The following DMD variants were observed in gnomAD, a reference collection of about 807,000 sequenced individuals.
DMD encodes mutant dystrophin.
DMD carries 63 observed loss-of-function variants against 330.1 expected under a neutral mutation model. That is an observed-to-expected ratio of 0.19 (90% CI 0.16 to 0.24). The LOEUF is 0.24. DMD is among the 10% of genes least tolerant of loss of function. The pLI, the probability that DMD is intolerant of heterozygous loss-of-function variation, is 1.00. For synonymous variants in DMD, 1,223 were observed against 959.8 expected, an observed-to-expected ratio of 1.27 and a Z score of -5.07; for missense variants, 3,344 against 2,684.1, an observed-to-expected ratio of 1.25 and a Z score of -5.43.
intron 5 of DMD, among the ~76,000 whole-genome samples, chrX:32,821,131 C>A (rs1230504998): frequency 2.7e-5 from 3 of 111,201 alleles, no homozygotes; most frequent in Non-Finnish European, 5.6e-5. Context: ...CTCTTCCCCT[C>A]TCCCCGCTTA....
rs748846791 is a variant in DMD, at chrX:32,596,378, A to G, written c.1483-502T>C. On this transcript the variant is annotated intron_variant, in intron 12 of 78. Transcript: ENST00000357033. Reference sequence around the variant, plus strand: ...TACTATTCACTTTGCCCACTAACCCATTGAAATATCTTTTGTAAAGGACAC... The same window carrying G: ...TACTATTCACTTTGCCCACTAACCCGTTGAAATATCTTTTGTAAAGGACAC... Among the ~76,000 whole-genome samples, 4 of 110,074 alleles carry G rather than the reference A, an allele frequency of 3.6e-5. No homozygotes were observed. The South Asian group carries it at 1.6e-3, about 43-fold the overall frequency.
At chrX:32,392,573 T>A (rs1187245474) in intron 30 of DMD, among the ~76,000 whole-genome samples, 1 of 111,428 alleles carries the variant, frequency 9.0e-6, no homozygotes, top group Admixed American at 9.6e-5. Flanking sequence ...AGATAGCATT[T>A]TCGAAAGAGG....
chrX:32,600,917 T>A (rs759695170), intron 12 of DMD, among the ~76,000 whole-genome samples: 6 of 111,127 alleles, frequency 5.4e-5, no homozygotes, highest in African/African-American at 1.3e-4. Context: ...AACAAAAAAA[T>A]CCCTAGATAC....
intron 63 of DMD, among the ~76,000 whole-genome samples, chrX:31,239,169 TG>T (rs1254985919): frequency 4.5e-5 from 5 of 111,687 alleles, no homozygotes; most frequent in Non-Finnish European, 9.4e-5. Flanking sequence ...CAAATAAACT[TG>T]GAACAGAGCC....
At chrX:32,645,310 A>AT (rs749931845) in intron 9 of DMD, among the ~76,000 whole-genome samples, 158 bp from the exon 10 acceptor site, 18 of 112,233 alleles carry the variant, frequency 1.6e-4, no homozygotes, top group African/African-American at 5.8e-4. Context: ...GGGAGTTTTC[A>AT]TTTTAACTTC....
intron 34 of DMD, among the ~76,000 whole-genome samples, chrX:32,370,772 A>C (rs1477258491): frequency 6.3e-5 from 7 of 111,242 alleles, no homozygotes; most frequent in Non-Finnish European, 1.1e-4. Flanking sequence ...TTTTATAGCT[A>C]AGAGGAATGA....
chrX:31,577,730 G>A (rs1260229640), intron 55 of DMD, among the ~76,000 whole-genome samples: 1 of 111,459 alleles, frequency 9.0e-6, no homozygotes, highest in African/African-American at 3.3e-5. Context: ...TACTTGACTT[G>A]TAAAACAAAG....
chrX:31,872,829 G>A (rs982501901), intron 48 of DMD, among the ~76,000 whole-genome samples: 1 of 111,462 alleles, frequency 9.0e-6, no homozygotes, highest in Admixed American at 9.6e-5. Context: ...TGTTTATTGA[G>A]CAGTGAAAAA....
intron 55 of DMD, among the ~76,000 whole-genome samples, chrX:31,561,415 TA>T (rs962425045): frequency 2.7e-5 from 3 of 111,599 alleles, no homozygotes; most frequent in African/African-American, 9.8e-5. Context: ...GGAGAGGTCC[TA>T]AGGAAACCTG....
chrX:32,844,637 G>A (rs752050460), intron 4 of DMD, 146 bp downstream of exon 4: 15 of 521,825 alleles, frequency 2.9e-5, no homozygotes, highest in Non-Finnish European at 4.7e-5. Context: ...AGGCATACAC[G>A]AATTACAACA....
At chrX:32,136,023 G>A (rs2685910) in intron 44 of DMD, among the ~76,000 whole-genome samples, 32,044 of 110,714 alleles carry the variant, frequency 0.29, 3,875 homozygotes, top group Non-Finnish European at 0.38. Context: ...TAAATCATGG[G>A]GAATTTTTTA....
intron 1 of DMD, among the ~76,000 whole-genome samples, chrX:33,221,822 G>C (rs778757756): frequency 6.8e-4 from 76 of 110,997 alleles, no homozygotes; most frequent in African/African-American, 2.4e-3. Flanking sequence ...GTAAATCAAT[G>C]AATATAAAAT....
intron 71 of DMD, among the ~76,000 whole-genome samples, chrX:31,174,171 T>C (rs2040280116): frequency 1.8e-5 from 2 of 111,612 alleles, no homozygotes; most frequent in Non-Finnish European, 3.8e-5. Context: ...AGCAAGACTA[T>C]ACCACTAATT....
chrX:32,382,602 C>A (rs1310376025), intron 33 of DMD, among the ~76,000 whole-genome samples: 1 of 89,630 alleles, frequency 1.1e-5, no homozygotes, highest in Non-Finnish European at 2.2e-5. Context: ...ATTTTTTAAA[C>A]AGATTTTCCC....
At chrX:31,557,753 T>C (rs62590904) in intron 55 of DMD, among the ~76,000 whole-genome samples, 16,268 of 110,519 alleles carry the variant, frequency 0.15, 1,106 homozygotes, top group African/African-American at 0.23. Context: ...TAGAGTGTAG[T>C]AGAAGAGGGG....
At chrX:32,486,055 A>G (rs146636342) in intron 20 of DMD, among the ~76,000 whole-genome samples, 3 of 109,591 alleles carry the variant, frequency 2.7e-5, no homozygotes, top group African/African-American at 1.0e-4. Flanking sequence ...GCCACTTTTT[A>G]AATTACGGTG....
intron 44 of DMD, among the ~76,000 whole-genome samples, chrX:32,093,008 A>C (rs774269140): frequency 9.0e-6 from 1 of 110,874 alleles, no homozygotes; most frequent in Non-Finnish European, 1.9e-5. Flanking sequence ...TATATACTGT[A>C]CTATCACCAC....
chrX:32,240,829 G>C (rs1296575360), intron 43 of DMD, among the ~76,000 whole-genome samples: 1 of 111,697 alleles, frequency 9.0e-6, no homozygotes, highest in Admixed American at 9.5e-5. Flanking sequence ...TGGGATGAGA[G>C]AGGAGTAGTG....
intron 55 of DMD, among the ~76,000 whole-genome samples, chrX:31,572,835 T>C (rs2075895584): frequency 8.9e-6 from 1 of 112,355 alleles, no homozygotes; most frequent in Non-Finnish European, 1.9e-5. Context: ...TTCTAAGTAC[T>C]TGGAATTCAG....
Sources: gnomAD v4.1 joint callset for allele counts (sites outside exome capture counted in the v4.1 genomes callset) on GRCh38, gnomAD v4.1.1 for gene constraint, MANE v1.5 for transcripts, NCBI Gene and HGNC (gene_info 2026-07-23, HGNC 2026-07-21) for gene names.